Variants in SUGCT observed in about 807,000 individuals in gnomAD.
SUGCT encodes the protein succinyl-CoA:glutarate CoA-transferase.
A neutral mutation model predicts 55.0 loss-of-function variants in SUGCT; 41 were observed. That is an observed-to-expected ratio of 0.74 (90% CI 0.58 to 0.97). The LOEUF (loss-of-function observed/expected upper bound fraction) is 0.97. SUGCT is among the 50% of genes least tolerant of loss of function. SUGCT has a pLI of 0.00. For synonymous variants in SUGCT, 187 were observed against 200.4 expected (o/e 0.93, Z 0.56); for missense variants, 568 against 547.8 (o/e 1.04, Z -0.37).
intron 9 of SUGCT, among the ~76,000 whole-genome samples, chr7:40,377,199 T>TTTCC (rs1161113965): frequency 2.3e-4 from 2 of 8,520 alleles, no homozygotes; most frequent in African/African-American, 2.2e-4. Flanking sequence ...TCTTTCTTTC[T>TTTCC]TTTCTTTTCT....
intron 6 of SUGCT, among the ~76,000 whole-genome samples, chr7:40,202,374 C>T (rs1786663269): frequency 6.6e-6 from 1 of 152,152 alleles, no homozygotes; most frequent in African/African-American, 2.4e-5. Context: ...CTTCAGGCTA[C>T]TTTCTTGGGA....
chr7:40,335,235 G>A lies in SUGCT; in HGVS notation c.816+18380G>A, dbSNP rs1301801481. On this transcript the variant is annotated intron_variant, in intron 9 of 13. Transcript: ENST00000335693. ...GGCTTAGGATTGTCTTGGCAATGCA[G>A]GCCCTTTTTTGGTTCCATATGAACT... Among the ~76,000 whole-genome samples, 3 of 152,322 alleles carry A rather than the reference G, an allele frequency of 2.0e-5. No individual in the cohort carries two copies. The East Asian group carries it at 5.8e-4, about 29-fold the overall frequency.
rs183977628 is a variant in SUGCT at position 40,819,265 on chromosome 7, A to G, written c.1154-41051A>G. Among the ~76,000 whole-genome samples, 332 of 152,238 alleles carry G rather than the reference A, an allele frequency of 2.2e-3. 3 individuals carry two copies. The highest frequency in any genetic ancestry group is 7.5e-3 in the African/African-American group (310 of 41,542). The stretch of plus-strand genomic sequence containing the variant: ...CGGCATGATTTATAATCCTTTGGGT[A>G]TATACCCAGTAATGGTTTGGCTGGG... On this transcript the variant is annotated intron_variant, in intron 13 of 13. Coordinates refer to ENST00000335693, the MANE Select transcript of SUGCT (RefSeq NM_001193313.2).
At chr7:40,600,681 G>A (rs572046068) in intron 12 of SUGCT, among the ~76,000 whole-genome samples, 3 of 151,498 alleles carry the variant, frequency 2.0e-5, no homozygotes, top group South Asian at 4.2e-4. Context: ...TCTTGATCAA[G>A]GGGACATGTG....
At chr7:40,322,779 C>G (rs987136136) in intron 9 of SUGCT, among the ~76,000 whole-genome samples, 2 of 151,930 alleles carry the variant, frequency 1.3e-5, no homozygotes, top group African/African-American at 2.4e-5. Context: ...ATAGTGAGAC[C>G]TGTCTCTCAA....
intron 6 of SUGCT, among the ~76,000 whole-genome samples, chr7:40,233,818 G>T (rs767957912): frequency 6.6e-6 from 1 of 152,128 alleles, no homozygotes. Flanking sequence ...AAATCTATGA[G>T]ATAAATGTGA....
At chr7:40,389,265 T>C (rs1027079174) in intron 9 of SUGCT, among the ~76,000 whole-genome samples, 1 of 151,882 alleles carries the variant, frequency 6.6e-6, no homozygotes, top group Non-Finnish European at 1.5e-5. Flanking sequence ...GCCTGGGCAA[T>C]CCGGAGAAAC....
intron 6 of SUGCT, among the ~76,000 whole-genome samples, chr7:40,201,496 A>G (rs17171665): frequency 6.6e-6 from 1 of 152,160 alleles, no homozygotes; most frequent in Non-Finnish European, 1.5e-5. Context: ...ATATCAGGAA[A>G]TATTTTTTCA....
chr7:40,704,075 C>T (rs1037188399), intron 12 of SUGCT, among the ~76,000 whole-genome samples: 2 of 152,184 alleles, frequency 1.3e-5, no homozygotes, highest in Non-Finnish European at 2.9e-5. Context: ...TCCAAAAGCT[C>T]CCTCTAGAGC....
chr7:40,635,275 G>A (rs889513238), intron 12 of SUGCT, among the ~76,000 whole-genome samples: 1 of 151,536 alleles, frequency 6.6e-6, no homozygotes, highest in African/African-American at 2.4e-5. Flanking sequence ...GACAGAGCAA[G>A]ACTCTGTCTC....
chr7:40,217,374 C>A (rs866478388), intron 6 of SUGCT: 4 of 428,760 alleles, frequency 9.3e-6, no homozygotes, highest in South Asian at 6.7e-5. Context: ...CTACACCAGG[C>A]TAATTTTTGT....
rs142970531 is a variant in SUGCT, at chr7:40,706,493, G to A, written c.1090-42941G>A. Among the ~76,000 whole-genome samples the A allele has an allele frequency of 5.5e-3, 844 of 152,280 alleles. 11 individuals are homozygous for A. Among genetic ancestry groups the A allele is most frequent in the African/African-American group, 0.02 (813 of 41,562 alleles). ...TGCACTCCAACCTGAGCGACAGAGC[G>A]AGACTCTGTCTCAAAAAAAAGAAGA... is the stretch of plus-strand genomic sequence containing the variant. On this transcript the variant is annotated intron_variant, in intron 12 of 13. Coordinates refer to ENST00000335693, the MANE Select transcript of SUGCT (RefSeq NM_001193313.2).
chr7:40,337,188 AT>A (rs1192518590), intron 9 of SUGCT, among the ~76,000 whole-genome samples: 3 of 152,126 alleles, frequency 2.0e-5, no homozygotes, highest in African/African-American at 7.2e-5. Flanking sequence ...CAATTTTGGA[AT>A]AGTGCTATGT....
the SUGCT span, among the ~76,000 whole-genome samples, chr7:41,012,137 C>T: frequency 2.4e-3 from 367 of 152,222 alleles, no homozygotes; most frequent in African/African-American, 8.6e-3. Context: ...GTGGAAATTT[C>T]CCGGAACCAG....
intron 12 of SUGCT, among the ~76,000 whole-genome samples, chr7:40,550,403 T>C (rs1225904074): frequency 1.3e-5 from 2 of 152,242 alleles, no homozygotes; most frequent in African/African-American, 4.8e-5. Context: ...TAGTCTTTCA[T>C]GAAGTTGCGT....
chr7:40,814,690 A>G (rs1791585709), intron 13 of SUGCT, among the ~76,000 whole-genome samples: 1 of 151,690 alleles, frequency 6.6e-6, no homozygotes, highest in Non-Finnish European at 1.5e-5. Flanking sequence ...GTCATTTCTG[A>G]GTTTCCATTT....
At chr7:40,894,454 A>G in the SUGCT span, among the ~76,000 whole-genome samples, 1 of 152,356 alleles carries the variant, frequency 6.6e-6, no homozygotes, top group African/African-American at 2.4e-5. Context: ...AACAAAAACA[A>G]AAATTGACAA....
intron 12 of SUGCT, among the ~76,000 whole-genome samples, chr7:40,526,557 A>G (rs1049797940): frequency 9.9e-5 from 15 of 152,174 alleles, no homozygotes; most frequent in African/African-American, 3.6e-4. Flanking sequence ...TGTATCTCTA[A>G]ACGTTCCCAG....
At chr7:40,591,287 C>A (rs960606890) in intron 12 of SUGCT, among the ~76,000 whole-genome samples, 1 of 152,158 alleles carries the variant, frequency 6.6e-6, no homozygotes, top group Non-Finnish European at 1.5e-5. Flanking sequence ...GAGGAAGTAA[C>A]TGCAGATGTG....
Sources: allele counts gnomAD v4.1 joint callset (sites outside exome capture counted in the v4.1 genomes callset), GRCh38; gene constraint gnomAD v4.1.1; transcripts MANE v1.5; gene names NCBI Gene and HGNC (gene_info 2026-07-23, HGNC 2026-07-21).